CRACD: variants seen among roughly 807,000 people sequenced by gnomAD.
CRACD encodes the protein capping protein-inhibiting regulator of actin dynamics.
A neutral mutation model predicts 106.8 loss-of-function variants in CRACD; 56 were observed. The ratio of observed to expected loss-of-function variants is 0.52; its 90% confidence interval spans 0.42 to 0.66. The LOEUF is 0.66. Ranked by LOEUF, CRACD falls within the 30% of genes least tolerant of loss-of-function variation. The pLI is 0.00. For missense variants in CRACD, 1,730 were observed against 1,623.2 expected (o/e 1.07, Z -1.13); for synonymous variants, 754 against 670.8 (o/e 1.12, Z -1.92).
rs149505381 is a variant in CRACD, at chr4:56,282,121, C to T, written c.-17+9629C>T. ...TTTAACATTTCATTTGAATGAGACT[C>T]ACGGATCTGTTTAGGAAGAAAACTG... On this transcript the variant is annotated intron_variant, in intron 3 of 10. Coordinates refer to ENST00000682029, the MANE Select transcript of CRACD (RefSeq NM_001393381.1). 2.6e-5 allele frequency among the ~76,000 whole-genome samples: 4 copies of T among 152,254 alleles called. No homozygotes were observed. The East Asian group carries it at 7.7e-4, about 29-fold the overall frequency.
rs573792145 is a variant in CRACD at position 56,324,201 on chromosome 4, C to T, written c.3476C>T (p.Ala1159Val). The T allele has an allele frequency of 1.9e-6, 3 of 1,614,216 alleles. No individual in the cohort carries two copies. Among genetic ancestry groups the T allele is most frequent in the African/African-American group, 2.7e-5 (2 of 75,074 alleles). Residue 1159 changes from alanine to valine, a missense_variant, in exon 10 of 11, where the codon GCA (alanine) becomes GTA (valine). Coordinates refer to ENST00000682029, the MANE Select transcript of CRACD (RefSeq NM_001393381.1). ...ALPEEKRPET[A>V]VSRLERREQL... The stretch of plus-strand genomic sequence containing the variant: ...CCAGAAGAGAAGAGGCCCGAGACTG[C>T]AGTGTCCAGGCTTGAGCGCAGAGAA...
chr4:56,065,662 A>G (rs114867977), intron 1 of CRACD, among the ~76,000 whole-genome samples: 3,561 of 152,084 alleles, frequency 0.023, 62 homozygotes, highest in Admixed American at 0.058. Context: ...TGTTATTGTT[A>G]TTTTTAATTG....
intron 1 of CRACD, among the ~76,000 whole-genome samples, chr4:56,061,817 T>C (rs566302590): frequency 6.6e-6 from 1 of 152,208 alleles, no homozygotes; most frequent in African/African-American, 2.4e-5. Context: ...ATTTGGAATG[T>C]CTTCCAGATC....
At chr4:56,178,973 A>G (rs1186139033) in intron 1 of CRACD, among the ~76,000 whole-genome samples, 1 of 152,218 alleles carries the variant, frequency 6.6e-6, no homozygotes. Flanking sequence ...AATTTTAGTT[A>G]AACTACATGA....
intron 8 of CRACD, among the ~76,000 whole-genome samples, chr4:56,321,713 CTCTT>C (rs1746118895): frequency 6.6e-6 from 1 of 152,170 alleles, no homozygotes; most frequent in Non-Finnish European, 1.5e-5. Context: ...GAAACAAAAA[CTCTT>C]TCAAATTCAG....
At position 56,315,537 on chromosome 4, in the gene CRACD, G is replaced by A. The variant is rs1453290454; in HGVS notation, c.2035G>A (p.Ala679Thr). 4.3e-6 allele frequency: 7 copies of A among 1,613,924 alleles called. No individual in the cohort carries two copies. Among genetic ancestry groups the A allele is most frequent in the African/African-American group, 2.7e-5 (2 of 74,916 alleles). ...ASIRSRILKN[A>T]ESDPRSSERD... ...CATTCGGTCCAGAATCCTGAAGAAC[G>A]CAGAGAGTGACCCGCGCAGCAGCGA... Residue 679 changes from alanine to threonine, a missense_variant, in exon 8 of 11, where the codon GCA becomes ACA. Around this residue, in one of 5 missense-constraint regions of CRACD, gnomAD observed 1,620 missense variants for 1,481.6 expected, o/e 1.09. Transcript: ENST00000682029. This position sits in a 1 kb window ranked among gnomAD's most constrained non-coding sequence, Gnocchi z 4.1.
chr4:56,217,098 C>T (rs1247281635), intron 2 of CRACD, among the ~76,000 whole-genome samples: 1 of 151,876 alleles, frequency 6.6e-6, no homozygotes, highest in Non-Finnish European at 1.5e-5. Context: ...CTCTGTAAAC[C>T]TGGAATTGAT....
intron 2 of CRACD, among the ~76,000 whole-genome samples, chr4:56,256,244 A>G (rs553333211): frequency 6.6e-6 from 1 of 152,278 alleles, no homozygotes; most frequent in African/African-American, 2.4e-5. Flanking sequence ...GTGATAGTAA[A>G]TAAGTCTCAA....
intron 4 of CRACD, among the ~76,000 whole-genome samples, chr4:56,303,763 G>A (rs572360292): frequency 1.3e-5 from 2 of 152,302 alleles, no homozygotes; most frequent in South Asian, 2.1e-4. Flanking sequence ...ACCATGCGTC[G>A]GACCCTGAGT....
chr4:56,252,723 A>C (rs938961905), intron 2 of CRACD, among the ~76,000 whole-genome samples: 15 of 152,196 alleles, frequency 9.9e-5, no homozygotes, highest in African/African-American at 3.6e-4. Context: ...AATACACACA[A>C]CACCAAGAAA....
chr4:56,253,386 A>ATC (rs1412763449), intron 2 of CRACD, among the ~76,000 whole-genome samples: 1 of 152,206 alleles, frequency 6.6e-6, no homozygotes, highest in Non-Finnish European at 1.5e-5. Flanking sequence ...TAGAATTTAT[A>ATC]TCTAGGAGGG....
At chr4:56,277,695 T>G (rs1385438203) in intron 3 of CRACD, among the ~76,000 whole-genome samples, 1 of 152,176 alleles carries the variant, frequency 6.6e-6, no homozygotes, top group Non-Finnish European at 1.5e-5. Flanking sequence ...TAAGAGGCAT[T>G]AATCTTAGGA....
At chr4:56,142,878 A>G (rs988073950) in intron 1 of CRACD, among the ~76,000 whole-genome samples, 1 of 152,016 alleles carries the variant, frequency 6.6e-6, no homozygotes, top group Non-Finnish European at 1.5e-5. Context: ...GTATTTCCTA[A>G]CATGCCTCTA....
intron 1 of CRACD, among the ~76,000 whole-genome samples, chr4:56,060,890 A>T (rs2412720): frequency 0.32 from 48,810 of 151,980 alleles, 8,917 homozygotes; most frequent in African/African-American, 0.5. Flanking sequence ...CAGGAAATGG[A>T]CCTTCACCAG....
At chr4:56,190,227 C>T (rs1411633110) in intron 2 of CRACD, among the ~76,000 whole-genome samples, 1 of 151,928 alleles carries the variant, frequency 6.6e-6, no homozygotes, top group African/African-American at 2.4e-5. Flanking sequence ...CATTGTTGGA[C>T]ATTTGGGTTG....
At chr4:56,083,752 G>A (rs1420079489) in intron 1 of CRACD, among the ~76,000 whole-genome samples, 1 of 152,090 alleles carries the variant, frequency 6.6e-6, no homozygotes, top group Non-Finnish European at 1.5e-5. Context: ...GAGGCAGGTA[G>A]ATCACTTGAG....
At chr4:56,086,054 A>C (rs1365992078) in intron 1 of CRACD, among the ~76,000 whole-genome samples, 1 of 152,166 alleles carries the variant, frequency 6.6e-6, no homozygotes, top group Non-Finnish European at 1.5e-5. Flanking sequence ...TCATTCCTAG[A>C]GAAGCAAACA....
At chr4:56,105,561 A>G (rs1212722447) in intron 1 of CRACD, among the ~76,000 whole-genome samples, 3 of 152,186 alleles carry the variant, frequency 2.0e-5, no homozygotes, top group African/African-American at 4.8e-5. Flanking sequence ...ATGAGGTTTC[A>G]TAAGTGAGTT....
chr4:56,054,912 C>G (rs920839571), intron 1 of CRACD, among the ~76,000 whole-genome samples: 1 of 152,184 alleles, frequency 6.6e-6, no homozygotes, highest in Non-Finnish European at 1.5e-5. Context: ...CAGTGTTTTT[C>G]AAGTGGCGTA....
Sources: gnomAD v4.1 joint callset for allele counts (sites outside exome capture counted in the v4.1 genomes callset) on GRCh38, gnomAD v4.1.1 for gene constraint, gnomAD v4.1.1 regional missense constraint, Gnocchi (gnomAD v3.1) non-coding constraint, MANE v1.5 for transcripts, NCBI Gene and HGNC (gene_info 2026-07-23, HGNC 2026-07-21) for gene names.